Variants in PLCG2 observed in about 807,000 individuals in gnomAD.
PLCG2 encodes the protein phospholipase C gamma 2.
Under a neutral mutation model 175.6 loss-of-function variants are expected in PLCG2, and 69 were observed. The ratio of observed to expected loss-of-function variants is 0.39; its 90% CI spans 0.32 to 0.48. The LOEUF (loss-of-function observed/expected upper bound fraction) is 0.48, where lower values mean the gene tolerates loss of function less well. Ranked by LOEUF, PLCG2 falls within the 20% of genes least tolerant of loss-of-function variation. The pLI is 0.91. For missense variants in PLCG2, 1,798 were observed against 1,650.9 expected (o/e 1.09, Z -1.54); for synonymous variants, 827 against 624.0 (o/e 1.33, Z -4.85).
chr16:81,805,784 T>G lies in PLCG2; in HGVS notation c.193+19602T>G, dbSNP rs200175958. Among the ~76,000 whole-genome samples, 46 of 8,482 alleles carry G rather than the reference T, an allele frequency of 5.4e-3. 1 individual carries two copies. In the South Asian group the frequency reaches 0.3, roughly 56 times the overall value. The allele number at this position is 8,482 out of a possible 152,430, so 5.6% of individuals were successfully genotyped here. A position where few individuals can be genotyped will look rare whatever the true frequency, so the allele number is the denominator to read the frequency against. On this transcript the variant is annotated intron_variant, in intron 2 of 32. Coordinates refer to ENST00000564138, the MANE Select transcript of PLCG2 (RefSeq NM_002661.5). ...TTTGTTTTGTTTTTTTTTTTTTTTGTTTTTTTTTTTTTTTGCTGTTATTGT... is the reference window on the plus strand; with the variant it reads ...TTTGTTTTGTTTTTTTTTTTTTTTGGTTTTTTTTTTTTTTGCTGTTATTGT...
At chr16:81,863,347 A>G (rs763635150) in intron 5 of PLCG2, among the ~76,000 whole-genome samples, 2 of 152,226 alleles carry the variant, frequency 1.3e-5, no homozygotes, top group East Asian at 1.9e-4. Context: ...AATGTCTCCA[A>G]GTTTCATCTG....
At chr16:81,939,769 G>C in intron 29 of PLCG2, 123 bp from the exon 30 acceptor site, 3 of 655,880 alleles carry the variant, frequency 4.6e-6, no homozygotes, top group African/African-American at 1.8e-5. Context: ...CTTAGATCTT[G>C]GCATAGATGC....
intron 20 of PLCG2, among the ~76,000 whole-genome samples, chr16:81,920,151 G>C (rs749158782): frequency 6.6e-6 from 1 of 152,172 alleles, no homozygotes; most frequent in Non-Finnish European, 1.5e-5. Flanking sequence ...ATAAGGATGA[G>C]GGTTCACAGG....
intron 7 of PLCG2, among the ~76,000 whole-genome samples, chr16:81,877,863 A>G (rs1283767410): frequency 7.7e-6 from 1 of 130,332 alleles, no homozygotes; most frequent in Non-Finnish European, 1.7e-5. Context: ...ATGTCATTGC[A>G]TCGCTCCTTG....
intron 2 of PLCG2, among the ~76,000 whole-genome samples, chr16:81,852,852 C>T (rs1040598223): frequency 4.6e-5 from 7 of 152,166 alleles, no homozygotes; most frequent in African/African-American, 1.7e-4. Flanking sequence ...TGGTCCAGTG[C>T]TCTGTGGCTG....
Position 81,782,886 on chromosome 16 carries a change from G to T in PLCG2, c.-47-3057G>T, listed in dbSNP as rs530354831. Among the ~76,000 whole-genome samples, 52 of 152,336 alleles carry T rather than the reference G, an allele frequency of 3.4e-4. No individual in the cohort carries two copies. In the South Asian group the frequency reaches 9.5e-3, roughly 28 times the overall value. ...GGGGATACAGTGTTTTCAAAGGAAC[G>T]GTGTCAGCCACTGCAGGTGAGAGTG... On this transcript the variant is annotated intron_variant, in intron 1 of 32. Coordinates refer to ENST00000564138, the MANE Select transcript of PLCG2 (RefSeq NM_002661.5).
Position 81,957,966 on chromosome 16 carries a change from A to T in PLCG2, c.3766A>T (p.Lys1256Ter). The T allele has an allele frequency of 6.2e-7, 1 of 1,613,848 alleles. No individual in the cohort carries two copies. The highest frequency in any genetic ancestry group is 2.2e-5 in the East Asian group (1 of 44,884). Residue 1256 changes from lysine to a stop codon, truncating the protein, a stop_gained, in exon 33 of 33, where the codon AAG (lysine) becomes TAG (stop). Coordinates refer to ENST00000564138, the MANE Select transcript of PLCG2 (RefSeq NM_002661.5). LOFTEE classifies it high-confidence loss of function. ...TCTGTTTTATTTCAGGTTAAGAGAGAAGAGAGTCAGCAACAGCAAGTTTTA... is the reference window on the plus strand; with the variant it reads ...TCTGTTTTATTTCAGGTTAAGAGAGTAGAGAGTCAGCAACAGCAAGTTTTA... ...QEKCNKRLREKRVSNSKFYS is the reference protein window; with the variant it reads ...QEKCNKRLRE
intron 7 of PLCG2, among the ~76,000 whole-genome samples, chr16:81,873,262 A>G (rs1017342105): frequency 6.6e-6 from 1 of 152,230 alleles, no homozygotes; most frequent in African/African-American, 2.4e-5. Context: ...ATCAATGGTT[A>G]TAAAACTTTT....
chr16:81,911,896 C>G (rs1408704814), intron 18 of PLCG2, among the ~76,000 whole-genome samples: 1 of 136,672 alleles, frequency 7.3e-6, no homozygotes, highest in East Asian at 2.2e-4. Context: ...CTCCTGGGTT[C>G]AAGTGATTCT....
chr16:81,943,138 A>G (rs959948776), intron 30 of PLCG2, among the ~76,000 whole-genome samples: 5 of 152,102 alleles, frequency 3.3e-5, no homozygotes, highest in Non-Finnish European at 7.4e-5. Flanking sequence ...GCCATGGAGC[A>G]AACAGTCATT....
intron 2 of PLCG2, among the ~76,000 whole-genome samples, chr16:81,837,684 GTTTTT>G (rs1218961131): frequency 7.9e-6 from 1 of 126,152 alleles, no homozygotes; most frequent in South Asian, 2.6e-4. Context: ...ACCAACATGT[GTTTTT>G]TTTTTTTTTT....
chr16:81,957,789 G>C (rs757823406), intron 32 of PLCG2, among the ~76,000 whole-genome samples, 167 bp from the exon 33 acceptor site: 3 of 152,074 alleles, frequency 2.0e-5, no homozygotes, highest in African/African-American at 4.8e-5. Context: ...ACCTCTCTGA[G>C]TCTCAACGTC....
intron 21 of PLCG2, chr16:81,921,630 G>C (rs981989369): frequency 1.7e-5 from 6 of 351,644 alleles, no homozygotes; most frequent in Admixed American, 1.2e-4. Context: ...CAGTGCAAAT[G>C]CTATCTCATA....
intron 9 of PLCG2, among the ~76,000 whole-genome samples, chr16:81,886,985 T>C (rs1433597342): frequency 1.3e-5 from 2 of 152,236 alleles, no homozygotes; most frequent in Admixed American, 6.5e-5. Context: ...AGAAGATTTC[T>C]TTCTTTGCAG....
chr16:81,755,711 A>C (rs1315121370), intron 1 of PLCG2: 1 of 151,514 alleles, frequency 6.6e-6, no homozygotes, highest in Non-Finnish European at 1.5e-5. Context: ...TTTTTAGTAG[A>C]GATGGGGTTT....
chr16:81,820,012 C>T (rs963083049), intron 2 of PLCG2, among the ~76,000 whole-genome samples: 6 of 152,218 alleles, frequency 3.9e-5, no homozygotes, highest in African/African-American at 7.2e-5. Flanking sequence ...TGACTACCCT[C>T]CAGGGAGCAC....
rs764965106 is a variant in PLCG2 at position 81,792,620 on chromosome 16, T to G, written c.193+6438T>G. ...TATGGCTGGGGAGGCCTCAGGAAAC[T>G]TACAATCATGGTGGAAGGAGAAGCC... On this transcript the variant is annotated intron_variant, in intron 2 of 32. Transcript: ENST00000564138. Among the ~76,000 whole-genome samples the G allele has an allele frequency of 2.0e-4, 30 of 151,840 alleles. 1 individual carries two copies. Among genetic ancestry groups the G allele is most frequent in the Non-Finnish European group, 2.9e-5 (2 of 67,988 alleles).
At chr16:81,828,384 C>T (rs1438192307) in intron 2 of PLCG2, among the ~76,000 whole-genome samples, 1 of 151,512 alleles carries the variant, frequency 6.6e-6, no homozygotes, top group Non-Finnish European at 1.5e-5. Flanking sequence ...ACTACAGGTG[C>T]CTGCCACCAC....
chr16:81,778,076 AC>A (rs1309263146), upstream of PLCG2, among the ~76,000 whole-genome samples: 924 of 37,066 alleles, frequency 0.025, 101 homozygotes, highest in African/African-American at 0.074. Context: ...AAAAACACAC[AC>A]ACACAAAAAA....
Sources: gnomAD v4.1 joint callset for allele counts (sites outside exome capture counted in the v4.1 genomes callset) on GRCh38, gnomAD v4.1.1 for gene constraint, MANE v1.5 for transcripts, NCBI Gene and HGNC (gene_info 2026-07-23, HGNC 2026-07-21) for gene names.